The following KANSL1 variants were observed in gnomAD, a reference collection of about 807,000 sequenced individuals.
KANSL1 encodes the protein MLL1/MLL complex subunit KANSL1.
KANSL1 carries 22 observed loss-of-function variants against 103.6 expected under a neutral mutation model. The observed-to-expected ratio is 0.21, with a 90% CI of 0.15 to 0.30. The LOEUF (loss-of-function observed/expected upper bound fraction) is 0.30. Among genes scored for constraint, KANSL1 ranks in the 10% least tolerant of loss-of-function variants. The probability of loss-of-function intolerance (pLI) is 1.00; values close to 1 mark genes in which losing one functional copy is unlikely to be tolerated. For missense variants in KANSL1, 1,337 were observed against 1,399.8 expected (o/e 0.96, Z 0.72); for synonymous variants, 600 against 527.6 (o/e 1.14, Z -1.88).
At chr17:46,137,076 C>T (rs1346439769) in intron 2 of KANSL1, among the ~76,000 whole-genome samples, 1 of 152,106 alleles carries the variant, frequency 6.6e-6, no homozygotes, top group Non-Finnish European at 1.5e-5. Context: ...CAGTATAACA[C>T]AGAAACAGCA....
At chr17:46,092,703 T>TG (rs2079446327) in intron 3 of KANSL1, among the ~76,000 whole-genome samples, 2 of 47,430 alleles carry the variant, frequency 4.2e-5, no homozygotes, top group Non-Finnish European at 8.2e-5. Context: ...TGTTGGGTTG[T>TG]TTTTTTTTTT....
At chr17:46,075,344 T>C (rs557445057) in intron 4 of KANSL1, among the ~76,000 whole-genome samples, 1 of 112,820 alleles carries the variant, frequency 8.9e-6, no homozygotes, top group East Asian at 1.9e-4. Flanking sequence ...ACACACACAC[T>C]CTCTCTTTCT....
At chr17:46,193,693 C>A, upstream of KANSL1, 1 of 291,652 alleles carries the variant, frequency 3.4e-6, no homozygotes, top group Non-Finnish European at 7.1e-6. Flanking sequence ...GCGGCGACGG[C>A]ACGCAGCACT....
intron 1 of KANSL1, among the ~76,000 whole-genome samples, chr17:46,201,142 C>T (rs1438515173): frequency 2.0e-5 from 3 of 152,166 alleles, no homozygotes; most frequent in African/African-American, 4.8e-5. Flanking sequence ...AAAATCCTGA[C>T]CTCAGGTGAT....
At chr17:46,062,522 C>CT (rs1248001346) in intron 6 of KANSL1, among the ~76,000 whole-genome samples, 2 of 151,442 alleles carry the variant, frequency 1.3e-5, no homozygotes, top group African/African-American at 4.8e-5. Flanking sequence ...CCACGCCCAG[C>CT]TAATTTTTGT....
intron 2 of KANSL1, among the ~76,000 whole-genome samples, chr17:46,135,372 T>G (rs1490534969): frequency 7.4e-6 from 1 of 135,758 alleles, no homozygotes; most frequent in Non-Finnish European, 1.7e-5. Context: ...CAATAAAACA[T>G]AAAACATAGT....
At chr17:46,177,568 GA>G (rs905307484) in intron 1 of KANSL1, among the ~76,000 whole-genome samples, 170 of 152,200 alleles carry the variant, frequency 1.1e-3, no homozygotes, top group African/African-American at 4.0e-3. Flanking sequence ...ATTATTAAAT[GA>G]AAAAAAGTTA....
intron 1 of KANSL1, among the ~76,000 whole-genome samples, chr17:46,178,255 A>C (rs1175734417): frequency 1.3e-5 from 2 of 152,248 alleles, no homozygotes; most frequent in South Asian, 2.1e-4. Context: ...AAACAAAAAA[A>C]GGAAGCAGTT....
intron 2 of KANSL1, among the ~76,000 whole-genome samples, chr17:46,103,050 A>T (rs1157542066): frequency 9.2e-5 from 14 of 152,242 alleles, no homozygotes; most frequent in Non-Finnish European, 1.9e-4. Flanking sequence ...AAGAAACGAC[A>T]TGTATACAAT....
At chr17:46,188,128 C>T (rs1435142874) in intron 1 of KANSL1, among the ~76,000 whole-genome samples, 1 of 152,210 alleles carries the variant, frequency 6.6e-6, no homozygotes, top group African/African-American at 2.4e-5. Context: ...TAGTCATCTC[C>T]TATGACCCAC....
At chr17:46,130,588 C>T (rs943167352) in intron 2 of KANSL1, among the ~76,000 whole-genome samples, 3 of 152,186 alleles carry the variant, frequency 2.0e-5, no homozygotes, top group African/African-American at 4.8e-5. Flanking sequence ...CCTTGATTAA[C>T]CCCACCACAT....
chr17:46,100,349 A>G (rs1444619096), intron 2 of KANSL1, among the ~76,000 whole-genome samples: 4 of 149,988 alleles, frequency 2.7e-5, no homozygotes, highest in Non-Finnish European at 5.9e-5. Context: ...AGGCAGGAGA[A>G]TTGCTTGAAT....
At chr17:46,138,464 T>C (rs570842924) in intron 2 of KANSL1, among the ~76,000 whole-genome samples, 252 of 152,314 alleles carry the variant, frequency 1.7e-3, no homozygotes, top group Non-Finnish European at 2.8e-3. Flanking sequence ...AGGATGTGCA[T>C]AGGTTATACA....
intron 1 of KANSL1, among the ~76,000 whole-genome samples, chr17:46,220,410 G>T (rs1388818104): frequency 6.6e-6 from 1 of 151,940 alleles, no homozygotes; most frequent in African/African-American, 2.4e-5. Flanking sequence ...TAGAGACGGG[G>T]TTTCACCGTG....
chr17:46,175,546 C>T (rs2046482279), intron 1 of KANSL1, among the ~76,000 whole-genome samples: 4 of 152,150 alleles, frequency 2.6e-5, no homozygotes, highest in Admixed American at 2.6e-4. Flanking sequence ...GATGGAGTTT[C>T]ACCACGTTGG....
chr17:46,153,345 A>C (rs999570204), intron 2 of KANSL1, among the ~76,000 whole-genome samples: 1 of 152,246 alleles, frequency 6.6e-6, no homozygotes, highest in Non-Finnish European at 1.5e-5. Flanking sequence ...TTAGCTTTCT[A>C]TGTCGTTTTA....
Position 46,030,058 on chromosome 17 carries a change from T to C in KANSL1, c.*1418A>G, listed in dbSNP as rs1598437043. The C allele has an allele frequency of 6.6e-6, 1 of 152,080 alleles. No homozygotes were observed. The highest frequency in any genetic ancestry group is 2.1e-4 in the South Asian group (1 of 4,818). The allele number at this position is 152,080 out of a possible 1,614,324, so 9.4% of individuals were successfully genotyped here. A position where few individuals can be genotyped will look rare whatever the true frequency, so the allele number is the denominator to read the frequency against. The stretch of plus-strand genomic sequence containing the variant: ...AGCATTTCTATAGAACAAAGACAGC[T>C]ACATGTTTCGCTGCCATTACACAGC... On this transcript the variant is annotated 3_prime_UTR_variant, in exon 15 of 15. Transcript: ENST00000432791.
chr17:46,220,777 C>A (rs1458604599), intron 1 of KANSL1, among the ~76,000 whole-genome samples: 2 of 152,222 alleles, frequency 1.3e-5, no homozygotes, highest in Non-Finnish European at 2.9e-5. Flanking sequence ...AGCTCCGTCT[C>A]CCGGGCTCAA....
chr17:46,063,981 A>G (rs2838), intron 6 of KANSL1, among the ~76,000 whole-genome samples: 20,950 of 147,896 alleles, frequency 0.14, 2,080 homozygotes, highest in Non-Finnish European at 0.22. Flanking sequence ...TACACTTGAC[A>G]GTAATATACT....
Sources: gnomAD v4.1 joint callset for allele counts (sites outside exome capture counted in the v4.1 genomes callset) on GRCh38, gnomAD v4.1.1 for gene constraint, MANE v1.5 for transcripts, NCBI Gene and HGNC (gene_info 2026-07-23, HGNC 2026-07-21) for gene names.